Variants in TREM1 observed in about 807,000 individuals in gnomAD.
The protein encoded by TREM1 is triggering receptor expressed on myeloid cells 1.
A neutral mutation model predicts 22.4 loss-of-function variants in TREM1; 16 were observed. The ratio of observed to expected loss-of-function variants is 0.71; its 90% CI spans 0.48 to 1.08. The LOEUF (loss-of-function observed/expected upper bound fraction) is 1.08, where lower values mean the gene tolerates loss of function less well. Ranked by LOEUF, TREM1 falls within the 50% of genes least tolerant of loss-of-function variation. TREM1 has a pLI of 0.00. For synonymous variants in TREM1, 110 were observed against 111.6 expected, an observed-to-expected ratio of 0.99 and a Z score of 0.09; for missense variants, 283 against 282.9, an observed-to-expected ratio of 1.00 and a Z score of 0.00.
chr6:41,277,046 C>T (rs1377974221), intron 3 of TREM1, among the ~76,000 whole-genome samples: 1 of 148,906 alleles, frequency 6.7e-6, no homozygotes, highest in African/African-American at 2.5e-5. Context: ...AATAAATCTT[C>T]CCCCGGACTA....
chr6:41,286,598 T>C lies in TREM1; in HGVS notation c.49+9A>G. On this transcript the variant is annotated intron_variant, in intron 1 of 3. Transcript: ENST00000244709. ...CGCCTCCCCTGCTCAGTCCTCTTCC[T>C]TGTCTTACCTGAGACAAAGAGCATC... 7 of 1,613,956 alleles carry C rather than the reference T, an allele frequency of 4.3e-6. No homozygotes were observed. The highest frequency in any genetic ancestry group is 5.9e-6 in the Non-Finnish European group (7 of 1,179,950).
rs535962412 is a variant in TREM1, at chr6:41,275,036, A to G, written c.*1089T>C. The stretch of plus-strand genomic sequence containing the variant: ...CTGATTGAAATCTGTGGGAGATTGC[A>G]AGACAATCTCCCACAGAGATTGTCT... On this transcript the variant is annotated 3_prime_UTR_variant, in exon 4 of 4. Transcript: ENST00000244709. Among the ~76,000 whole-genome samples, 5 of 151,668 alleles carry G rather than the reference A, an allele frequency of 3.3e-5. 1 individual carries two copies. The highest frequency in any genetic ancestry group is 3.3e-4 in the Admixed American group (5 of 15,256).
At position 41,282,378 on chromosome 6, in the gene TREM1, A is replaced by T; in HGVS notation, c.406+17T>A. 1 of 1,584,700 alleles carries T rather than the reference A, an allele frequency of 6.3e-7. No homozygotes were observed. Among genetic ancestry groups the T allele is most frequent in the Non-Finnish European group, 8.6e-7 (1 of 1,160,738 alleles). Reference sequence around the variant, plus strand: ...CTCACCTGGCCCTTCTTTCCCCCCAAGTCCCAGGCCACTCACCCTTGGTCA... The same window carrying T: ...CTCACCTGGCCCTTCTTTCCCCCCATGTCCCAGGCCACTCACCCTTGGTCA... On this transcript the variant is annotated intron_variant, in intron 2 of 3. Coordinates refer to ENST00000244709, the MANE Select transcript of TREM1 (RefSeq NM_018643.5).
chr6:41,284,721 G>T (rs1005791071), intron 1 of TREM1, among the ~76,000 whole-genome samples: 1 of 152,102 alleles, frequency 6.6e-6, no homozygotes, highest in Non-Finnish European at 1.5e-5. Flanking sequence ...CCCTTTCATG[G>T]AGCCCCCTGG....
intron 1 of TREM1, 77 bp from the exon 2 acceptor site, chr6:41,282,828 C>CT (rs1767993902): frequency 2.5e-5 from 34 of 1,337,372 alleles, no homozygotes; most frequent in Non-Finnish European, 3.5e-5. Context: ...GAGAGGAGCC[C>CT]CCTGTTTTTC....
downstream of TREM1, among the ~76,000 whole-genome samples, chr6:41,272,804 T>C (rs566382314): frequency 1.3e-5 from 2 of 152,248 alleles, no homozygotes; most frequent in East Asian, 3.9e-4. Context: ...CCACCATGGA[T>C]TGAAGTCCTA....
chr6:41,281,933 T>A (rs923566650), intron 2 of TREM1: 1 of 165,136 alleles, frequency 6.1e-6, no homozygotes. Context: ...ACCATCAGCA[T>A]TGGCATCACC....
downstream of TREM1, among the ~76,000 whole-genome samples, chr6:41,272,911 C>A (rs1418481630): frequency 1.3e-5 from 2 of 152,146 alleles, no homozygotes; most frequent in Non-Finnish European, 2.9e-5. Context: ...TCTCCAGTAC[C>A]AAACACCTTT....
At chr6:41,277,467 C>T (rs948720435) in intron 3 of TREM1, among the ~76,000 whole-genome samples, 2 of 152,188 alleles carry the variant, frequency 1.3e-5, no homozygotes, top group African/African-American at 2.4e-5. Context: ...GCCCCGATTC[C>T]AGTGCTGCAA....
chr6:41,276,836 C>T (rs1485861936), intron 3 of TREM1, among the ~76,000 whole-genome samples: 1 of 151,954 alleles, frequency 6.6e-6, no homozygotes, highest in Non-Finnish European at 1.5e-5. Context: ...ACACAAAGGC[C>T]AGATGCAGAG....
chr6:41,278,263 G>A (rs1767749420), intron 3 of TREM1, among the ~76,000 whole-genome samples: 1 of 151,898 alleles, frequency 6.6e-6, no homozygotes. Flanking sequence ...CTTGCTTCTG[G>A]GGAAACTACC....
chr6:41,276,119 G>T lies in TREM1; in HGVS notation c.*6C>A. ...AGTCAGAGGACATTCTCGTGGGTTC[G>T]TGGGCCTAGGGTACAAATGACCTCA... On this transcript the variant is annotated 3_prime_UTR_variant, in exon 4 of 4. Transcript: ENST00000244709. 1.2e-6 allele frequency: 2 copies of T among 1,611,906 alleles called. No homozygotes were observed. The highest frequency in any genetic ancestry group is 1.7e-4 in the Middle Eastern group (1 of 6,060).
At chr6:41,280,226 AT>A in intron 3 of TREM1, 2 of 971,032 alleles carry the variant, frequency 2.1e-6, no homozygotes, top group Non-Finnish European at 2.4e-6. Context: ...ATAATTCAGT[AT>A]TTAATGATAA....
chr6:41,284,370 T>C (rs1768067628), intron 1 of TREM1, among the ~76,000 whole-genome samples: 2 of 152,156 alleles, frequency 1.3e-5, no homozygotes, highest in African/African-American at 2.4e-5. Flanking sequence ...GTGACAATAG[T>C]TTCCATCACA....
At chr6:41,272,087 G>C (rs1767494979), downstream of TREM1, among the ~76,000 whole-genome samples, 2 of 152,186 alleles carry the variant, frequency 1.3e-5, no homozygotes, top group African/African-American at 4.8e-5. Context: ...CTCCCCACGA[G>C]GCTGGGTGGC....
chr6:41,270,172 T>G (rs184406610), downstream of TREM1: 1 of 152,324 alleles, frequency 6.6e-6, no homozygotes, highest in East Asian at 1.9e-4. Flanking sequence ...CATGGTCAGA[T>G]TCTGTCCTTC....
At chr6:41,280,375 A>G (rs1767856188) in intron 3 of TREM1, 1 of 988,556 alleles carries the variant, frequency 1.0e-6, no homozygotes, top group African/African-American at 1.7e-5. Flanking sequence ...CTCATCTGCA[A>G]AAATTCTGAT....
chr6:41,283,717 AAAACAC>A (rs1410019659), intron 1 of TREM1, among the ~76,000 whole-genome samples: 3 of 123,848 alleles, frequency 2.4e-5, no homozygotes, highest in South Asian at 5.6e-4. Flanking sequence ...GTTAAAAAAA[AAAACAC>A]ACACACACAC....
downstream of TREM1, among the ~76,000 whole-genome samples, chr6:41,270,460 T>TA (rs1440284357): frequency 0.088 from 390 of 4,454 alleles, 11 homozygotes; most frequent in South Asian, 0.44. Context: ...TATATATATA[T>TA]ATATATATAT....
Sources: gnomAD v4.1 joint callset for allele counts (sites outside exome capture counted in the v4.1 genomes callset) on GRCh38, gnomAD v4.1.1 for gene constraint, MANE v1.5 for transcripts, NCBI Gene and HGNC (gene_info 2026-07-23, HGNC 2026-07-21) for gene names.